The following SAMD5 variants were observed in gnomAD, a reference collection of about 807,000 sequenced individuals.
SAMD5 encodes the protein sterile alpha motif domain containing 5.
SAMD5 carries 13 observed loss-of-function variants against 11.3 expected under a neutral mutation model. The ratio of observed to expected loss-of-function variants is 1.15; its 90% CI spans 0.75 to 1.83. The LOEUF is 1.83. Among genes scored for constraint, SAMD5 ranks in the 40% most tolerant of loss-of-function variants. The pLI is 0.00. For synonymous variants in SAMD5, 129 were observed against 111.3 expected, an observed-to-expected ratio of 1.16 and a Z score of -1.00; for missense variants, 255 against 239.1, an observed-to-expected ratio of 1.07 and a Z score of -0.44.
chr6:147,873,836 A>G, the SAMD5 span, among the ~76,000 whole-genome samples: 1 of 152,084 alleles, frequency 6.6e-6, no homozygotes, highest in African/African-American at 2.4e-5. Context: ...GTTTCCATGC[A>G]TAGATTCTTT....
At chr6:147,838,531 G>GCCC in the SAMD5 span, among the ~76,000 whole-genome samples, 6,463 of 127,286 alleles carry the variant, frequency 0.051, 300 homozygotes, top group African/African-American at 0.079. Context: ...AGAATATCCT[G>GCCC]CCCCCCCCCC....
In SAMD5 at chr6:147,620,100, AC is replaced by A. The variant is rs1380982946; in HGVS notation, c.162+110714del. Among the ~76,000 whole-genome samples the A allele has an allele frequency of 6.8e-4, 104 of 152,310 alleles. 1 individual carries two copies. In the East Asian group the frequency reaches 0.02, roughly 29 times the overall value. On this transcript the variant is annotated intron_variant, in intron 1 of 1. Coordinates refer to the SAMD5 transcript ENST00000566741. The stretch of plus-strand genomic sequence containing the variant: ...GTAGCCCTTGTGGGAATGAGCAATG[AC>A]ACTGTTCTTGGCATCACAGTGCCCT...
At chr6:147,533,166 G>A (rs369217880) in intron 1 of SAMD5, among the ~76,000 whole-genome samples, 4 of 152,052 alleles carry the variant, frequency 2.6e-5, no homozygotes, top group African/African-American at 7.2e-5. Context: ...ACCAAGCCCC[G>A]GGGCAGGTCC....
intron 1 of SAMD5, among the ~76,000 whole-genome samples, chr6:147,675,411 C>T (rs748474496): frequency 6.6e-6 from 1 of 152,182 alleles, no homozygotes; most frequent in Non-Finnish European, 1.5e-5. Context: ...GTGAATACCT[C>T]ATATACATCC....
intron 1 of SAMD5, among the ~76,000 whole-genome samples, chr6:147,687,390 C>T (rs1221525191): frequency 1.3e-5 from 2 of 151,198 alleles, no homozygotes; most frequent in East Asian, 3.9e-4. Context: ...TCAAGTCCTA[C>T]CTCAGCCTCC....
At chr6:147,764,847 A>G in the SAMD5 span, among the ~76,000 whole-genome samples, 2 of 152,178 alleles carry the variant, frequency 1.3e-5, no homozygotes, top group African/African-American at 2.4e-5. Flanking sequence ...AACCATGTCC[A>G]TTAAATTATT....
chr6:147,515,361 C>T (rs1365446539), intron 1 of SAMD5, among the ~76,000 whole-genome samples: 1 of 151,882 alleles, frequency 6.6e-6, no homozygotes, highest in Non-Finnish European at 1.5e-5. Context: ...AACTGCCTGT[C>T]CACCCATCCA....
chr6:147,737,672 C>CTTTTTTT (rs10544345), downstream of SAMD5: 4 of 49,244 alleles, frequency 8.1e-5, no homozygotes, highest in African/African-American at 1.6e-4. Flanking sequence ...AGATTGAGGG[C>CTTTTTTT]TTTTTTTTTT....
chr6:147,630,107 G>A (rs7771088), intron 1 of SAMD5, among the ~76,000 whole-genome samples: 28,688 of 151,482 alleles, frequency 0.19, 3,650 homozygotes, highest in African/African-American at 0.35. Flanking sequence ...GCACTGCCAC[G>A]CCTGGCTAAT....
At chr6:147,535,217 T>C (rs751368454) in intron 1 of SAMD5, among the ~76,000 whole-genome samples, 55 of 152,190 alleles carry the variant, frequency 3.6e-4, no homozygotes, top group Admixed American at 1.0e-3. Flanking sequence ...GAGAAGCGTG[T>C]AACCGCTTTG....
the SAMD5 span, among the ~76,000 whole-genome samples, chr6:147,908,620 A>C: frequency 6.6e-6 from 1 of 152,188 alleles, no homozygotes; most frequent in South Asian, 2.1e-4. Flanking sequence ...GAGAACAACT[A>C]TATGTTGCAT....
chr6:147,564,272 G>A, intron 1 of SAMD5, 122 bp from the exon 2 acceptor site: 1 of 658,174 alleles, frequency 1.5e-6, no homozygotes, highest in South Asian at 1.9e-5. Context: ...TTCTTCAAAA[G>A]TCCATGTGGT....
At chr6:147,604,271 A>G (rs955246319) in intron 1 of SAMD5, among the ~76,000 whole-genome samples, 3 of 151,536 alleles carry the variant, frequency 2.0e-5, no homozygotes, top group African/African-American at 7.3e-5. Context: ...TTATTCTTAG[A>G]TCAGTGAAAA....
chr6:147,583,252 G>A (rs1407638461), intron 1 of SAMD5, among the ~76,000 whole-genome samples: 1 of 152,146 alleles, frequency 6.6e-6, no homozygotes. Flanking sequence ...GCTAGATATC[G>A]AAAGAAATGC....
At chr6:147,780,969 T>A in the SAMD5 span, among the ~76,000 whole-genome samples, 1 of 152,130 alleles carries the variant, frequency 6.6e-6, no homozygotes, top group East Asian at 1.9e-4. Context: ...TTATTTAAGT[T>A]CAGGAAAAGA....
the SAMD5 span, among the ~76,000 whole-genome samples, chr6:147,857,981 G>A: frequency 8.8e-6 from 1 of 113,540 alleles, no homozygotes; most frequent in African/African-American, 3.5e-5. Context: ...CTCATCCCCT[G>A]TCAGAATATC....
intron 1 of SAMD5, among the ~76,000 whole-genome samples, chr6:147,724,964 G>A (rs1459768241): frequency 6.6e-6 from 1 of 151,826 alleles, no homozygotes; most frequent in African/African-American, 2.4e-5. Context: ...TGCAGATTTT[G>A]TTGCATCTAC....
At chr6:147,857,829 T>G in the SAMD5 span, among the ~76,000 whole-genome samples, 1 of 152,222 alleles carries the variant, frequency 6.6e-6, no homozygotes, top group African/African-American at 2.4e-5. Context: ...TTCCATGAAG[T>G]TTACAGCAAA....
the SAMD5 span, among the ~76,000 whole-genome samples, chr6:147,818,643 A>T: frequency 6.6e-6 from 1 of 152,244 alleles, no homozygotes; most frequent in Non-Finnish European, 1.5e-5. Context: ...AAAATCACTA[A>T]TTGTAGGTGA....
Sources: gnomAD v4.1 joint callset for allele counts (sites outside exome capture counted in the v4.1 genomes callset) on GRCh38, gnomAD v4.1.1 for gene constraint, MANE v1.5 for transcripts, NCBI Gene and HGNC (gene_info 2026-07-23, HGNC 2026-07-21) for gene names.